The following CAST variants were observed in gnomAD, a reference collection of about 807,000 sequenced individuals.
CAST encodes the protein calpastatin.
CAST carries 76 observed loss-of-function variants against 119.6 expected under a neutral mutation model. That is an observed-to-expected ratio of 0.64 (90% CI 0.53 to 0.77). The LOEUF is 0.77. CAST is among the 30% of genes least tolerant of loss of function. The pLI, the probability that CAST is intolerant of heterozygous loss-of-function variation, is 0.00. For synonymous variants in CAST, 319 were observed against 331.6 expected (o/e 0.96, Z 0.41); for missense variants, 953 against 946.5 (o/e 1.01, Z -0.09).
chr5:96,157,548 T>A, the CAST span, among the ~76,000 whole-genome samples: 1 of 152,220 alleles, frequency 6.6e-6, no homozygotes, highest in Non-Finnish European at 1.5e-5. Context: ...TGTGTCCAGG[T>A]GCACTGTGGA....
At chr5:96,346,622 C>A in the CAST span, among the ~76,000 whole-genome samples, 2 of 152,246 alleles carry the variant, frequency 1.3e-5, no homozygotes, top group African/African-American at 4.8e-5. Flanking sequence ...ATACTACATC[C>A]TAAAGCAACA....
At chr5:96,660,879 A>G (rs962411761), upstream of CAST, among the ~76,000 whole-genome samples, 1 of 151,750 alleles carries the variant, frequency 6.6e-6, no homozygotes, top group African/African-American at 2.4e-5. Context: ...TTTCATTTTT[A>G]TGTATAAATT....
chr5:96,179,339 C>T, the CAST span, among the ~76,000 whole-genome samples: 1 of 152,230 alleles, frequency 6.6e-6, no homozygotes, highest in Non-Finnish European at 1.5e-5. Flanking sequence ...TGAATGCCCT[C>T]TCTCTGTCCT....
chr5:96,359,547 G>T, the CAST span, among the ~76,000 whole-genome samples: 2 of 152,168 alleles, frequency 1.3e-5, no homozygotes, highest in Admixed American at 6.5e-5. Context: ...AAATCTCTCA[G>T]CATTTGCTTG....
the CAST span, among the ~76,000 whole-genome samples, chr5:96,235,175 C>A: frequency 3.9e-5 from 6 of 152,164 alleles, no homozygotes; most frequent in Non-Finnish European, 7.3e-5. Flanking sequence ...GGAAGAGAAC[C>A]AGAGCAGGAG....
chr5:96,772,536 T>C (rs1420424959), intron 31 of CAST, 104 bp from the exon 32 acceptor site: 1 of 152,770 alleles, frequency 6.5e-6, no homozygotes, highest in Non-Finnish European at 1.5e-5. Context: ...AAATTCCTTC[T>C]GTCTGTTATA....
At chr5:96,086,397 TAAG>T in the CAST span, among the ~76,000 whole-genome samples, 2 of 152,194 alleles carry the variant, frequency 1.3e-5, no homozygotes, top group Non-Finnish European at 2.9e-5. Flanking sequence ...TTTCTTATAA[TAAG>T]AGTATGTTTT....
chr5:96,024,270 C>T, the CAST span, among the ~76,000 whole-genome samples: 1 of 152,138 alleles, frequency 6.6e-6, no homozygotes, highest in South Asian at 2.1e-4. Flanking sequence ...TTACCTATGG[C>T]TAAAAAAATA....
the CAST span, among the ~76,000 whole-genome samples, chr5:96,011,892 C>A: frequency 6.6e-6 from 1 of 152,002 alleles, no homozygotes; most frequent in Admixed American, 6.6e-5. Context: ...GAGTAAGATG[C>A]AAATACTCTA....
intron 3 of CAST, among the ~76,000 whole-genome samples, chr5:96,703,734 A>C (rs1754362526): frequency 6.6e-6 from 1 of 152,194 alleles, no homozygotes. Flanking sequence ...GAATGACAGA[A>C]ATGCTTAATC....
At chr5:96,013,934 CTG>C in the CAST span, among the ~76,000 whole-genome samples, 1 of 152,094 alleles carries the variant, frequency 6.6e-6, no homozygotes, top group Non-Finnish European at 1.5e-5. Context: ...TTTACAAACA[CTG>C]TACATTTAAG....
the CAST span, among the ~76,000 whole-genome samples, chr5:96,376,828 T>C: frequency 6.6e-6 from 1 of 152,144 alleles, no homozygotes; most frequent in African/African-American, 2.4e-5. Flanking sequence ...GGTAGGTCCT[T>C]CAGGAGGTAT....
At chr5:96,600,925 C>A (rs951654542) in intron 1 of CAST, among the ~76,000 whole-genome samples, 2 of 152,172 alleles carry the variant, frequency 1.3e-5, no homozygotes. Flanking sequence ...TCAAAACATA[C>A]TAACCTCTGC....
the CAST span, among the ~76,000 whole-genome samples, chr5:96,200,376 G>A: frequency 3.3e-5 from 5 of 152,020 alleles, no homozygotes; most frequent in South Asian, 2.1e-4. Context: ...AATTCAAACC[G>A]AAAAAGGGCT....
intron 1 of CAST, among the ~76,000 whole-genome samples, chr5:96,577,210 G>T (rs186079870): frequency 2.0e-5 from 3 of 152,144 alleles, no homozygotes; most frequent in East Asian, 1.9e-4. Context: ...TGATCATAAA[G>T]TTGGTCACAG....
chr5:96,375,018 C>T, the CAST span, among the ~76,000 whole-genome samples: 19 of 152,192 alleles, frequency 1.2e-4, no homozygotes, highest in Non-Finnish European at 1.0e-4. Flanking sequence ...CTTTGAGATT[C>T]TGACACTTTC....
At chr5:96,359,789 G>A in the CAST span, among the ~76,000 whole-genome samples, 3 of 151,982 alleles carry the variant, frequency 2.0e-5, no homozygotes, top group African/African-American at 7.3e-5. Context: ...TTCCACCTTT[G>A]TGAATCTGAA....
the CAST span, among the ~76,000 whole-genome samples, chr5:96,472,644 A>G: frequency 6.6e-6 from 1 of 152,302 alleles, no homozygotes; most frequent in South Asian, 2.1e-4. Flanking sequence ...TTGTTTCCTC[A>G]CAAAGCAGGC....
chr5:96,159,244 T>A, the CAST span, among the ~76,000 whole-genome samples: 1 of 152,078 alleles, frequency 6.6e-6, no homozygotes, highest in South Asian at 2.1e-4. Context: ...ACAGCCTGAG[T>A]ATTTGGGAGG....
Sources: allele counts gnomAD v4.1 joint callset (sites outside exome capture counted in the v4.1 genomes callset), GRCh38; gene constraint gnomAD v4.1.1; transcripts MANE v1.5; gene names NCBI Gene and HGNC (gene_info 2026-07-23, HGNC 2026-07-21).